ACACB: variants seen among roughly 807,000 people sequenced by gnomAD.
ACACB encodes acetyl-CoA carboxylase 2.
A neutral mutation model predicts 278.8 loss-of-function variants in ACACB; 209 were observed. The observed-to-expected ratio is 0.75, with a 90% confidence interval of 0.67 to 0.84. The LOEUF (loss-of-function observed/expected upper bound fraction) is 0.84, where lower values mean the gene tolerates loss of function less well. Among genes scored for constraint, ACACB ranks in the 40% least tolerant of loss-of-function variants. The pLI, the probability that ACACB is intolerant of heterozygous loss-of-function variation, is 0.00. For missense variants in ACACB, 2,850 were observed against 3,269.0 expected (o/e 0.87, Z 3.13); for synonymous variants, 1,174 against 1,285.6 (o/e 0.91, Z 1.86).
At chr12:109,242,956 A>G (rs1301899416) in intron 37 of ACACB, among the ~76,000 whole-genome samples, 1 of 151,966 alleles carries the variant, frequency 6.6e-6, no homozygotes, top group Admixed American at 6.6e-5. Context: ...ACCGAGTGAG[A>G]CCCCGTCTTC....
intron 6 of ACACB, among the ~76,000 whole-genome samples, chr12:109,173,116 A>G (rs1035900125): frequency 6.6e-6 from 1 of 152,210 alleles, no homozygotes; most frequent in Non-Finnish European, 1.5e-5. Flanking sequence ...GAGCTAAATG[A>G]TGAGAACATA....
chr12:109,173,187 A>AG (rs2044173850), intron 6 of ACACB, among the ~76,000 whole-genome samples: 1 of 152,196 alleles, frequency 6.6e-6, no homozygotes, highest in South Asian at 2.1e-4. Flanking sequence ...GAGGGAGAAA[A>AG]GCAGAAAAAA....
At chr12:109,115,207 G>T (rs1443473088), upstream of ACACB, among the ~76,000 whole-genome samples, 6 of 152,176 alleles carry the variant, frequency 3.9e-5, no homozygotes, top group African/African-American at 1.4e-4. Context: ...CCCATATGGT[G>T]AAGTAGTTGA....
chr12:109,210,776 T>G (rs2045821445), intron 21 of ACACB, among the ~76,000 whole-genome samples: 2 of 150,888 alleles, frequency 1.3e-5, no homozygotes, highest in African/African-American at 4.9e-5. Flanking sequence ...TAGCTGGGCG[T>G]GGTGTTGCAC....
chr12:109,172,822 A>C (rs776031231), intron 6 of ACACB, among the ~76,000 whole-genome samples: 1 of 152,226 alleles, frequency 6.6e-6, no homozygotes, highest in Non-Finnish European at 1.5e-5. Flanking sequence ...CTGGGTATAT[A>C]CCCAGAGGAA....
chr12:109,261,217 C>T (rs1055629783), intron 48 of ACACB, among the ~76,000 whole-genome samples: 1 of 152,224 alleles, frequency 6.6e-6, no homozygotes, highest in Admixed American at 6.5e-5. Context: ...GTCAAGGCCT[C>T]AAGAGTCATT....
intron 44 of ACACB, 69 bp downstream of exon 44, chr12:109,254,403 A>G: frequency 2.1e-6 from 3 of 1,433,050 alleles, no homozygotes; most frequent in South Asian, 1.3e-5. Flanking sequence ...ACAAAGGAGC[A>G]CTTTGTCTCA....
At chr12:109,185,880 GGGACATCCCAT>G in intron 12 of ACACB, 140 bp downstream of exon 12, 1 of 721,704 alleles carries the variant, frequency 1.4e-6, no homozygotes, top group Non-Finnish European at 2.1e-6. Context: ...GGCATGGGAA[GGGACATCCCAT>G]GGTTTATTTG....
At chr12:109,141,081 T>G (rs2043111646) in intron 2 of ACACB, among the ~76,000 whole-genome samples, 1 of 151,948 alleles carries the variant, frequency 6.6e-6, no homozygotes, top group East Asian at 1.9e-4. Flanking sequence ...TTTAAATTTT[T>G]TATAGAAATG....
chr12:109,180,009 G>A lies in ACACB; in HGVS notation c.1740G>A (p.Glu580=), dbSNP rs1463419665. ...YSQDGSFHFL[E]LNPRLQVEHP... ...AGGATGGCAGCTTCCACTTCTTGGA[G>A]CTGAATCCTCGCTTGCAGGTGGAAC... Residue 580 remains glutamate, a synonymous_variant, in exon 11 of 53, where the codon GAG becomes GAA. Coordinates refer to ENST00000338432, the MANE Select transcript of ACACB (RefSeq NM_001093.4). 6.2e-7 allele frequency: 1 copy of A among 1,613,830 alleles called. No homozygotes were observed. Among genetic ancestry groups the A allele is most frequent in the East Asian group, 2.2e-5 (1 of 44,890 alleles).
chr12:109,166,605 G>GCAC (rs1169487953), intron 2 of ACACB, among the ~76,000 whole-genome samples: 1 of 123,152 alleles, frequency 8.1e-6, no homozygotes, highest in Admixed American at 1.1e-4. Flanking sequence ...AGCCACGATT[G>GCAC]CACCACTGCA....
At chr12:109,159,854 C>T (rs2043666467) in intron 2 of ACACB, among the ~76,000 whole-genome samples, 1 of 152,018 alleles carries the variant, frequency 6.6e-6, no homozygotes, top group African/African-American at 2.4e-5. Context: ...CTTTGGGAGG[C>T]CAAGGTGGGC....
At chr12:109,232,645 C>T in intron 28 of ACACB, 24 bp from the exon 29 acceptor site, 1 of 1,608,300 alleles carries the variant, frequency 6.2e-7, no homozygotes, top group Non-Finnish European at 8.5e-7. Flanking sequence ...GCTGCCTCAT[C>T]CCCGACTTGC....
At chr12:109,231,754 A>T (rs1227228959) in intron 28 of ACACB, among the ~76,000 whole-genome samples, 2 of 152,180 alleles carry the variant, frequency 1.3e-5, no homozygotes, top group African/African-American at 4.8e-5. Context: ...CTCCCAGTGG[A>T]TTCACGCAGG....
chr12:109,197,044 A>T lies in ACACB; in HGVS notation c.2518A>T (p.Met840Leu). The T allele has an allele frequency of 6.3e-7, 1 of 1,590,394 alleles. No homozygotes were observed. Among genetic ancestry groups the T allele is most frequent in the Middle Eastern group, 1.7e-4 (1 of 5,954 alleles). Residue 840 changes from methionine (M) to leucine (L), a missense_variant, in exon 17 of 53, where the codon ATG becomes TTG. This residue lies in a region of ACACB where 2,265 missense variants were observed against 2,561.3 expected (regional missense o/e 0.88). Coordinates refer to ENST00000338432, the MANE Select transcript of ACACB (RefSeq NM_001093.4). ...RQSLTMFVLI[M>L]NGCHIEIDAH... is the part of the protein sequence containing the mutation. ...GTCTCTGACCATGTTCGTTCTCATC[A>T]TGAATGGCTGCCACATCGAGATTGA... is the stretch of plus-strand genomic sequence containing the variant.
At chr12:109,238,685 C>G (rs2046709857) in intron 34 of ACACB, among the ~76,000 whole-genome samples, 1 of 151,102 alleles carries the variant, frequency 6.6e-6, no homozygotes. Flanking sequence ...CCTGCCTCAG[C>G]CTTCTGAGTA....
At chr12:109,120,625 C>T (rs1409629078) in intron 1 of ACACB, among the ~76,000 whole-genome samples, 2 of 152,078 alleles carry the variant, frequency 1.3e-5, no homozygotes, top group East Asian at 1.9e-4. Flanking sequence ...TGAATTTGAA[C>T]AGGGAGAAAG....
intron 48 of ACACB, among the ~76,000 whole-genome samples, chr12:109,261,586 T>G (rs1242866240): frequency 6.6e-6 from 1 of 151,680 alleles, no homozygotes; most frequent in South Asian, 2.1e-4. Context: ...ATGTTGGAAA[T>G]GAGGCCAGGC....
chr12:109,175,128 T>C (rs1244975021), intron 7 of ACACB, among the ~76,000 whole-genome samples: 2 of 152,222 alleles, frequency 1.3e-5, no homozygotes, highest in Non-Finnish European at 2.9e-5. Flanking sequence ...TGTGTGCATT[T>C]TAATAATTTT....
Sources: gnomAD v4.1 joint callset for allele counts (sites outside exome capture counted in the v4.1 genomes callset) on GRCh38, gnomAD v4.1.1 for gene constraint, gnomAD v4.1.1 regional missense constraint, MANE v1.5 for transcripts, NCBI Gene and HGNC (gene_info 2026-07-23, HGNC 2026-07-21) for gene names.